The following GOLIM4 variants were observed in gnomAD, a reference collection of about 807,000 sequenced individuals.
GOLIM4 encodes the protein golgi integral membrane protein 4.
In GOLIM4, 71 loss-of-function variants were observed where a neutral mutation model predicts 107.4. The ratio of observed to expected loss-of-function variants is 0.66; its 90% CI spans 0.55 to 0.81. The LOEUF (loss-of-function observed/expected upper bound fraction) is 0.81, where lower values mean the gene tolerates loss of function less well. Ranked by LOEUF, GOLIM4 falls within the 30% of genes least tolerant of loss-of-function variation. GOLIM4 has a pLI of 0.00. For synonymous variants in GOLIM4, 327 were observed against 294.8 expected, an observed-to-expected ratio of 1.11 and a Z score of -1.12; for missense variants, 830 against 826.1, an observed-to-expected ratio of 1.00 and a Z score of -0.06.
rs1577498530 is a variant in GOLIM4 at position 168,013,546 on chromosome 3, G to C, written c.1861-2723C>G. Among the ~76,000 whole-genome samples the C allele has an allele frequency of 3.6e-5, 5 of 139,548 alleles. No individual in the cohort carries two copies. In the South Asian group the frequency reaches 8.4e-4, roughly 23 times the overall value. The allele number at this position is 139,548 out of a possible 152,430, so 91.5% of individuals were successfully genotyped here. A position where few individuals can be genotyped will look rare whatever the true frequency, so the allele number is the denominator to read the frequency against. The stretch of plus-strand genomic sequence containing the variant: ...AGCTCTGCACCAAGCGAACCTAATA[G>C]ACATCTACAGAACTCTCCACCCCAA... On this transcript the variant is annotated intron_variant, in intron 14 of 15. Coordinates refer to ENST00000470487, the MANE Select transcript of GOLIM4 (RefSeq NM_014498.5).
At chr3:168,018,835 A>T (rs1423887550) in intron 14 of GOLIM4, among the ~76,000 whole-genome samples, 1 of 152,216 alleles carries the variant, frequency 6.6e-6, no homozygotes, top group Non-Finnish European at 1.5e-5. Context: ...ACTGGGGGAA[A>T]AAACAGCCTT....
chr3:168,050,407 G>A (rs1473389466), intron 1 of GOLIM4, among the ~76,000 whole-genome samples: 1 of 152,158 alleles, frequency 6.6e-6, no homozygotes, highest in East Asian at 1.9e-4. Flanking sequence ...AAAGGAAAGT[G>A]TAAGATTAGC....
intron 1 of GOLIM4, among the ~76,000 whole-genome samples, chr3:168,078,875 G>C (rs1006485356): frequency 2.6e-5 from 4 of 152,170 alleles, no homozygotes; most frequent in African/African-American, 9.7e-5. Context: ...GCAGTCCTCT[G>C]TGCAGCTTAT....
At chr3:168,055,193 G>A (rs1267284770) in intron 1 of GOLIM4, among the ~76,000 whole-genome samples, 1 of 152,158 alleles carries the variant, frequency 6.6e-6, no homozygotes, top group African/African-American at 2.4e-5. Context: ...TGGGTAACAA[G>A]CAGAGGCTGT....
intron 14 of GOLIM4, among the ~76,000 whole-genome samples, chr3:168,020,903 T>A (rs1169231309): frequency 6.6e-6 from 1 of 152,214 alleles, no homozygotes; most frequent in Non-Finnish European, 1.5e-5. Flanking sequence ...ATGACTAGAA[T>A]AATAAGCAGA....
chr3:168,030,026 G>A lies in GOLIM4; in HGVS notation c.1187C>T (p.Ser396Leu). ...EGHARAEVYP[S>L]AKPMIKFQSP... ...TTGGAATTTGATCATTGGCTTGGCT[G>A]AAGGGTACACCTAGGGTGAAAAAGA... Residue 396 changes from serine to leucine, a missense_variant, in exon 10 of 16, where the codon TCA becomes TTA. Coordinates refer to ENST00000470487, the MANE Select transcript of GOLIM4 (RefSeq NM_014498.5). 1 of 1,614,168 alleles carries A rather than the reference G, an allele frequency of 6.2e-7. No homozygotes were observed. Among genetic ancestry groups the A allele is most frequent in the Non-Finnish European group, 8.5e-7 (1 of 1,180,002 alleles).
chr3:168,056,717 C>T (rs977186784), intron 1 of GOLIM4, among the ~76,000 whole-genome samples: 3 of 152,196 alleles, frequency 2.0e-5, no homozygotes, highest in African/African-American at 7.2e-5. Flanking sequence ...GTGGGGCCCC[C>T]AGCCCTTGTG....
At chr3:168,037,317 T>C (rs915131944) in intron 7 of GOLIM4, among the ~76,000 whole-genome samples, 6 of 152,180 alleles carry the variant, frequency 3.9e-5, no homozygotes, top group African/African-American at 1.4e-4. Context: ...TGTGATGTTT[T>C]ATCATATTAA....
At chr3:168,069,413 A>T (rs1207552886) in intron 1 of GOLIM4, among the ~76,000 whole-genome samples, 2 of 152,218 alleles carry the variant, frequency 1.3e-5, no homozygotes, top group Non-Finnish European at 2.9e-5. Context: ...TTTACCAATG[A>T]AGTCAAGCAA....
At chr3:168,045,957 T>C (rs978279262) in intron 3 of GOLIM4, among the ~76,000 whole-genome samples, 31 of 152,300 alleles carry the variant, frequency 2.0e-4, no homozygotes, top group African/African-American at 4.3e-4. Flanking sequence ...TCATAGCTCA[T>C]TGAAGCTTTA....
At chr3:168,052,400 T>G (rs965295089) in intron 1 of GOLIM4, among the ~76,000 whole-genome samples, 1 of 146,196 alleles carries the variant, frequency 6.8e-6, no homozygotes, top group African/African-American at 2.8e-5. Flanking sequence ...ACACACACAC[T>G]CTCTCTCACA....
chr3:168,073,220 T>A (rs1263715314), intron 1 of GOLIM4, among the ~76,000 whole-genome samples: 1 of 152,248 alleles, frequency 6.6e-6, no homozygotes, highest in African/African-American at 2.4e-5. Context: ...CGTATCATAG[T>A]CTGCCATTCC....
chr3:168,040,145 A>AT (rs1316638830), intron 7 of GOLIM4, among the ~76,000 whole-genome samples: 1 of 152,188 alleles, frequency 6.6e-6, no homozygotes, highest in African/African-American at 2.4e-5. Flanking sequence ...AGAAATCTGC[A>AT]TAACACTTAG....
At chr3:168,030,211 A>G (rs1183603207) in intron 9 of GOLIM4, among the ~76,000 whole-genome samples, 175 bp from the exon 10 acceptor site, 2 of 152,130 alleles carry the variant, frequency 1.3e-5, no homozygotes, top group Non-Finnish European at 2.9e-5. Flanking sequence ...CTTTCTCTGA[A>G]TCACCCTTGG....
At chr3:168,049,838 T>C (rs771446210) in intron 1 of GOLIM4, among the ~76,000 whole-genome samples, 3 of 152,174 alleles carry the variant, frequency 2.0e-5, no homozygotes, top group African/African-American at 7.2e-5. Context: ...CTGCGTTCTA[T>C]AGCTTCTCCC....
At chr3:168,055,621 AC>A (rs1239440401) in intron 1 of GOLIM4, among the ~76,000 whole-genome samples, 1 of 151,486 alleles carries the variant, frequency 6.6e-6, no homozygotes, top group Non-Finnish European at 1.5e-5. Flanking sequence ...ACATGGTAAA[AC>A]CCCGTCTCTA....
At chr3:168,050,373 T>A (rs751105135) in intron 1 of GOLIM4, among the ~76,000 whole-genome samples, 7 of 152,146 alleles carry the variant, frequency 4.6e-5, no homozygotes, top group Non-Finnish European at 1.0e-4. Flanking sequence ...AATAGCCCCA[T>A]CTTAAATTAA....
intron 8 of GOLIM4, 134 bp from the exon 9 acceptor site, chr3:168,032,986 T>G: frequency 1.5e-6 from 1 of 675,586 alleles, no homozygotes; most frequent in Non-Finnish European, 2.5e-6. Context: ...AGTCCTGGCT[T>G]TATGGCTGCA....
intron 14 of GOLIM4, among the ~76,000 whole-genome samples, chr3:168,018,736 C>A (rs922607563): frequency 2.6e-5 from 4 of 151,938 alleles, no homozygotes; most frequent in African/African-American, 9.7e-5. Context: ...CTGAAGTGTC[C>A]CTGTCAATTT....
Sources: gnomAD v4.1 joint callset for allele counts (sites outside exome capture counted in the v4.1 genomes callset) on GRCh38, gnomAD v4.1.1 for gene constraint, MANE v1.5 for transcripts, NCBI Gene and HGNC (gene_info 2026-07-23, HGNC 2026-07-21) for gene names.